Variants in KLHL32 observed in about 807,000 individuals in gnomAD.
KLHL32 encodes kelch-like protein 32.
KLHL32 carries 35 observed loss-of-function variants against 64.8 expected under a neutral mutation model. The ratio of observed to expected loss-of-function variants is 0.54; its 90% CI spans 0.41 to 0.72. The LOEUF (loss-of-function observed/expected upper bound fraction) is 0.72. Ranked by LOEUF, KLHL32 falls within the 30% of genes least tolerant of loss-of-function variation. The pLI, the probability that KLHL32 is intolerant of heterozygous loss-of-function variation, is 0.00. For synonymous variants in KLHL32, 259 were observed against 281.0 expected (o/e 0.92, Z 0.78); for missense variants, 589 against 768.5 (o/e 0.77, Z 2.76).
chr6:97,069,052 T>C (rs1255476897), intron 5 of KLHL32, among the ~76,000 whole-genome samples: 1 of 152,154 alleles, frequency 6.6e-6, no homozygotes, highest in African/African-American at 2.4e-5. Context: ...TGCATTTGTT[T>C]TGTTTTCTGT....
intron 6 of KLHL32, among the ~76,000 whole-genome samples, chr6:97,090,764 G>A (rs1794105321): frequency 6.6e-6 from 1 of 152,190 alleles, no homozygotes; most frequent in Non-Finnish European, 1.5e-5. Context: ...AGTACAAAAG[G>A]GAAAACTGAG....
the KLHL32 span, among the ~76,000 whole-genome samples, chr6:96,908,571 G>A: frequency 2.0e-5 from 3 of 152,100 alleles, no homozygotes; most frequent in East Asian, 1.9e-4. Context: ...AAAGCAAGAC[G>A]AAAAGAGAAA....
At chr6:97,047,633 T>A (rs1346817619) in intron 4 of KLHL32, among the ~76,000 whole-genome samples, 1 of 152,182 alleles carries the variant, frequency 6.6e-6, no homozygotes, top group Non-Finnish European at 1.5e-5. Flanking sequence ...TTTTTTCATG[T>A]TTCAGACCAG....
At chr6:97,088,205 G>GT (rs148535151) in intron 6 of KLHL32, among the ~76,000 whole-genome samples, 13 of 152,102 alleles carry the variant, frequency 8.5e-5, no homozygotes, top group African/African-American at 2.4e-4. Flanking sequence ...AAAATATATT[G>GT]TTTTTTTAAA....
chr6:97,094,061 C>G (rs1436284200), intron 6 of KLHL32, among the ~76,000 whole-genome samples: 1 of 152,096 alleles, frequency 6.6e-6, no homozygotes, highest in African/African-American at 2.4e-5. Context: ...CATAAATTGA[C>G]AGTTGGGTGA....
chr6:97,050,967 C>T (rs567042812), intron 4 of KLHL32, among the ~76,000 whole-genome samples: 27 of 152,316 alleles, frequency 1.8e-4, no homozygotes, highest in African/African-American at 6.0e-4. Context: ...CATGCCACTG[C>T]ACTCCAGCCT....
At position 97,070,464 on chromosome 6, in the gene KLHL32, A is replaced by G. The variant is rs145029051; in HGVS notation, c.411+5738A>G. 1.1e-4 allele frequency among the ~76,000 whole-genome samples: 16 copies of G among 152,272 alleles called. No homozygotes were observed. In the East Asian group the frequency reaches 1.4e-3, roughly 13 times the overall value. On this transcript the variant is annotated intron_variant, in intron 5 of 10. Coordinates refer to ENST00000369261, the MANE Select transcript of KLHL32 (RefSeq NM_052904.4). ...TTTAGGGTCCCAATTAATTTTTTTC[A>G]TATGCTATTATGTTGGCTTTTATTC...
chr6:97,047,217 A>G (rs1282784167), intron 4 of KLHL32, among the ~76,000 whole-genome samples: 1 of 152,254 alleles, frequency 6.6e-6, no homozygotes, highest in Non-Finnish European at 1.5e-5. Flanking sequence ...TGCATTTCCT[A>G]TCAAGTAGCA....
At chr6:96,942,149 G>T (rs28360626) in intron 1 of KLHL32, among the ~76,000 whole-genome samples, 19,700 of 152,184 alleles carry the variant, frequency 0.13, 1,565 homozygotes, top group East Asian at 0.26. Flanking sequence ...TACAGCCAGC[G>T]GTTACCCCAC....
chr6:97,131,132 G>A (rs1366009756), intron 9 of KLHL32, among the ~76,000 whole-genome samples, 183 bp downstream of exon 9: 1 of 152,156 alleles, frequency 6.6e-6, no homozygotes, highest in Non-Finnish European at 1.5e-5. Context: ...TTAGGTAGCT[G>A]AGCATCTAGT....
At chr6:96,997,683 G>A (rs572607270) in intron 3 of KLHL32, among the ~76,000 whole-genome samples, 1 of 152,118 alleles carries the variant, frequency 6.6e-6, no homozygotes, top group Admixed American at 6.5e-5. Flanking sequence ...AGGCTGTAGT[G>A]AGCCATGATT....
intron 5 of KLHL32, among the ~76,000 whole-genome samples, chr6:97,065,611 A>T (rs746917217): frequency 6.6e-6 from 1 of 152,208 alleles, no homozygotes; most frequent in African/African-American, 2.4e-5. Context: ...AGCATTAAAA[A>T]ATTAATTTGA....
chr6:97,003,031 G>A (rs915995885), intron 3 of KLHL32, among the ~76,000 whole-genome samples: 2 of 152,046 alleles, frequency 1.3e-5, no homozygotes, highest in Non-Finnish European at 2.9e-5. Context: ...TAATGTGATT[G>A]CGGGTCAAAT....
the KLHL32 span, among the ~76,000 whole-genome samples, chr6:96,919,362 G>A: frequency 1.3e-5 from 2 of 152,312 alleles, no homozygotes; most frequent in East Asian, 3.9e-4. Flanking sequence ...TGATTAAAGA[G>A]AACGGGAAAG....
At chr6:97,126,660 T>C (rs1798906809) in intron 7 of KLHL32, among the ~76,000 whole-genome samples, 1 of 152,144 alleles carries the variant, frequency 6.6e-6, no homozygotes, top group East Asian at 1.9e-4. Flanking sequence ...CCTTGAAGCA[T>C]GGCTAATCTG....
At chr6:96,989,972 A>G (rs1777651907) in intron 3 of KLHL32, among the ~76,000 whole-genome samples, 1 of 152,138 alleles carries the variant, frequency 6.6e-6, no homozygotes, top group Non-Finnish European at 1.5e-5. Flanking sequence ...TGGCCATTTC[A>G]TCTTTCAGCT....
the KLHL32 span, among the ~76,000 whole-genome samples, chr6:96,898,374 T>C: frequency 6.6e-6 from 1 of 152,056 alleles, no homozygotes; most frequent in Non-Finnish European, 1.5e-5. Context: ...GAAAGGAAAA[T>C]AATGAAAGGA....
At position 97,001,955 on chromosome 6, in the gene KLHL32, A is replaced by G. The variant is rs774116862; in HGVS notation, c.204+25778A>G. Among the ~76,000 whole-genome samples, 51 of 152,334 alleles carry G rather than the reference A, an allele frequency of 3.3e-4. No individual in the cohort carries two copies. In the Middle Eastern group the frequency reaches 0.01, roughly 30 times the overall value. On this transcript the variant is annotated intron_variant, in intron 3 of 10. Coordinates refer to ENST00000369261, the MANE Select transcript of KLHL32 (RefSeq NM_052904.4). The stretch of plus-strand genomic sequence containing the variant: ...GACACTGATTGAGTGTGAGTTCTCC[A>G]AAGAAACATAACTAAGAGGAATAGA...
At position 96,925,668 on chromosome 6, in the gene KLHL32, A is replaced by G. The variant is rs188867710; in HGVS notation, c.-66+642A>G. Among the ~76,000 whole-genome samples the G allele has an allele frequency of 9.2e-5, 14 of 152,356 alleles. No individual in the cohort carries two copies. The East Asian group carries it at 2.5e-3, about 27-fold the overall frequency. Reference sequence around the variant, plus strand: ...ATGATTTAATTGTGTTTCCCCACACAAGAATGAGCTTCTATTGTAAATTGA... The same window carrying G: ...ATGATTTAATTGTGTTTCCCCACACGAGAATGAGCTTCTATTGTAAATTGA... On this transcript the variant is annotated intron_variant, in intron 1 of 10. Transcript: ENST00000369261.
Sources: allele counts gnomAD v4.1 joint callset (sites outside exome capture counted in the v4.1 genomes callset), GRCh38; gene constraint gnomAD v4.1.1; transcripts MANE v1.5; gene names NCBI Gene and HGNC (gene_info 2026-07-23, HGNC 2026-07-21).